WDR31: variants seen among roughly 807,000 people sequenced by gnomAD.
WDR31 encodes WD repeat-containing protein 31.
In WDR31, 30 loss-of-function variants were observed where a neutral mutation model predicts 47.3. That is an observed-to-expected ratio of 0.63 (90% CI 0.47 to 0.86). The LOEUF is 0.86. Ranked by LOEUF, WDR31 falls within the 40% of genes least tolerant of loss-of-function variation. The probability of loss-of-function intolerance (pLI) is 0.00; values close to 1 mark genes in which losing one functional copy is unlikely to be tolerated. For synonymous variants in WDR31, 137 were observed against 159.4 expected, an observed-to-expected ratio of 0.86 and a Z score of 1.06; for missense variants, 406 against 442.9, an observed-to-expected ratio of 0.92 and a Z score of 0.75.
intron 9 of WDR31, among the ~76,000 whole-genome samples, chr9:113,320,151 C>G (rs1833293079): frequency 6.6e-6 from 1 of 152,172 alleles, no homozygotes; most frequent in South Asian, 2.1e-4. Context: ...AACTCCTGGG[C>G]TCAATTAATC....
In WDR31 at chr9:113,318,538, T is replaced by C. The variant is rs1833258981; in HGVS notation, c.880A>G (p.Met294Val). The change falls in exon 10 of 11, where the codon ATG becomes GTG. Residue 294 changes from methionine to valine, a missense_variant. By Grantham distance (21) the Met-to-Val change is conservative. Transcript: ENST00000374193. Reference sequence around the variant, plus strand: ...TGTGATGAGGTAGCAATTAAAGGCATCAAGGCCAATGCTCTTGGTAGAAAG... The same window carrying C: ...TGTGATGAGGTAGCAATTAAAGGCACCAAGGCCAATGCTCTTGGTAGAAAG... ...CVFLPRALAL[M>V]PLIATSSHDC... 6.2e-7 allele frequency: 1 copy of C among 1,614,120 alleles called. No homozygotes were observed. Among genetic ancestry groups the C allele is most frequent in the South Asian group, 1.1e-5 (1 of 91,084 alleles).
chr9:113,339,557 G>A (rs985464669), intron 1 of WDR31, among the ~76,000 whole-genome samples: 1 of 152,112 alleles, frequency 6.6e-6, no homozygotes, highest in African/African-American at 2.4e-5. Flanking sequence ...GGAAACCGAG[G>A]CCCAGGGAAT....
chr9:113,329,022 A>C, intron 4 of WDR31, 67 bp from the exon 5 acceptor site: 1 of 1,376,438 alleles, frequency 7.3e-7, no homozygotes, highest in African/African-American at 1.4e-5. Flanking sequence ...CCTCTACTGC[A>C]TTCTCACCTT....
At chr9:113,326,570 G>A (rs1157349992) in intron 5 of WDR31, among the ~76,000 whole-genome samples, 2 of 151,842 alleles carry the variant, frequency 1.3e-5, no homozygotes, top group Non-Finnish European at 2.9e-5. Context: ...TGGCTTAAAC[G>A]ATCCTCTTGC....
At chr9:113,323,686 C>T (rs922187559) in intron 5 of WDR31, among the ~76,000 whole-genome samples, 12 of 152,252 alleles carry the variant, frequency 7.9e-5, no homozygotes, top group Non-Finnish European at 1.6e-4. Flanking sequence ...CAGATTTCCT[C>T]CTGTCCTTCA....
At chr9:113,325,027 C>CCT (rs1404061658) in intron 5 of WDR31, among the ~76,000 whole-genome samples, 1 of 152,080 alleles carries the variant, frequency 6.6e-6, no homozygotes, top group Non-Finnish European at 1.5e-5. Flanking sequence ...CTCACTGCAA[C>CCT]CTCTGCCTCC....
Position 113,318,466 on chromosome 9 carries a change from G to A in WDR31, c.943+9C>T. On this transcript the variant is annotated intron_variant, in intron 10 of 10. Transcript: ENST00000374193. Reference sequence around the variant, plus strand: ...ATCTTTTGAGGAGAACTAACAGCAGGCTGCTTACCTCCAGTATCTTGGTTC... The same window carrying A: ...ATCTTTTGAGGAGAACTAACAGCAGACTGCTTACCTCCAGTATCTTGGTTC... 6.2e-7 allele frequency: 1 copy of A among 1,614,148 alleles called. No individual in the cohort carries two copies. The highest frequency in any genetic ancestry group is 8.5e-7 in the Non-Finnish European group (1 of 1,180,016).
At chr9:113,321,480 A>G (rs377630728) in intron 8 of WDR31, 31 bp downstream of exon 8, 38 of 1,610,988 alleles carry the variant, frequency 2.4e-5, no homozygotes, top group Non-Finnish European at 3.2e-5. Flanking sequence ...ACCTCACAAG[A>G]AACACTTTCA....
intron 5 of WDR31, among the ~76,000 whole-genome samples, chr9:113,326,976 T>G (rs531717274): frequency 6.6e-6 from 1 of 151,730 alleles, no homozygotes; most frequent in Non-Finnish European, 1.5e-5. Context: ...GCTGGGACTA[T>G]AGGTGCGCAC....
At chr9:113,319,237 T>G (rs536593920) in intron 9 of WDR31, among the ~76,000 whole-genome samples, 1 of 152,304 alleles carries the variant, frequency 6.6e-6, no homozygotes, top group African/African-American at 2.4e-5. Flanking sequence ...GAGAATAATG[T>G]TCAGGGAGGA....
chr9:113,323,557 C>T (rs1450850530), intron 5 of WDR31, among the ~76,000 whole-genome samples: 3 of 152,204 alleles, frequency 2.0e-5, no homozygotes, highest in Non-Finnish European at 4.4e-5. Context: ...CCACTGTGCC[C>T]GGCCCCCACA....
intron 7 of WDR31, among the ~76,000 whole-genome samples, chr9:113,322,170 T>A (rs574085930): frequency 2.0e-4 from 30 of 151,544 alleles, no homozygotes; most frequent in African/African-American, 7.0e-4. Context: ...GTATTTCACA[T>A]CTAGTATCTG....
intron 2 of WDR31, among the ~76,000 whole-genome samples, chr9:113,335,865 A>G (rs1833705262): frequency 6.6e-6 from 1 of 152,232 alleles, no homozygotes; most frequent in African/African-American, 2.4e-5. Flanking sequence ...GTATAATGAG[A>G]GAAGGTCTCT....
chr9:113,323,270 C>CTT, intron 5 of WDR31, 115 bp from the exon 6 acceptor site: 4 of 1,317,488 alleles, frequency 3.0e-6, no homozygotes, highest in Non-Finnish European at 4.1e-6. Context: ...CACTTCTTTT[C>CTT]TTTTTTTTTG....
At chr9:113,318,430 G>T in intron 10 of WDR31, 45 bp downstream of exon 10, 1 of 1,611,222 alleles carries the variant, frequency 6.2e-7, no homozygotes, top group South Asian at 1.1e-5. Context: ...GAAGGTTTTA[G>T]GACTTCATGT....
chr9:113,335,710 G>A (rs1041138741), intron 2 of WDR31, among the ~76,000 whole-genome samples: 25 of 152,164 alleles, frequency 1.6e-4, no homozygotes, highest in African/African-American at 5.8e-4. Flanking sequence ...GAAACAATGT[G>A]AGTGGCATCA....
chr9:113,316,968 T>A (rs1833220271), intron 10 of WDR31, 59 bp from the exon 11 acceptor site: 5 of 1,565,238 alleles, frequency 3.2e-6, no homozygotes, highest in Admixed American at 3.7e-5. Context: ...TGAAATGTGA[T>A]GTCTTCATGA....
At chr9:113,317,529 T>C (rs1250814563) in intron 10 of WDR31, among the ~76,000 whole-genome samples, 3 of 152,306 alleles carry the variant, frequency 2.0e-5, no homozygotes, top group Middle Eastern at 6.8e-3. Flanking sequence ...TACACCTGAG[T>C]GGCTGGAGAA....
intron 2 of WDR31, among the ~76,000 whole-genome samples, chr9:113,335,259 T>C (rs959754536): frequency 2.6e-5 from 4 of 151,850 alleles, no homozygotes; most frequent in African/African-American, 7.3e-5. Context: ...CAGTTGCTGG[T>C]GAAACTGAAA....
Sources: gnomAD v4.1 joint callset for allele counts (sites outside exome capture counted in the v4.1 genomes callset) on GRCh38, gnomAD v4.1.1 for gene constraint, MANE v1.5 for transcripts, NCBI Gene and HGNC (gene_info 2026-07-23, HGNC 2026-07-21) for gene names.